The following TMEM163 variants were observed in gnomAD, a reference collection of about 807,000 sequenced individuals.
TMEM163 encodes transmembrane protein 163.
Under a neutral mutation model 29.3 loss-of-function variants are expected in TMEM163, and 17 were observed. The observed-to-expected ratio is 0.58, with a 90% CI of 0.40 to 0.87. The LOEUF is 0.87. Ranked by LOEUF, TMEM163 falls within the 40% of genes least tolerant of loss-of-function variation. The probability of loss-of-function intolerance (pLI) is 0.00; values close to 1 mark genes in which losing one functional copy is unlikely to be tolerated. For missense variants in TMEM163, 303 were observed against 381.5 expected, an observed-to-expected ratio of 0.79 and a Z score of 1.71; for synonymous variants, 157 against 160.6, an observed-to-expected ratio of 0.98 and a Z score of 0.17.
At chr2:134,494,451 C>A (rs796887362) in intron 5 of TMEM163, among the ~76,000 whole-genome samples, 3 of 152,266 alleles carry the variant, frequency 2.0e-5, no homozygotes, top group African/African-American at 7.2e-5. Flanking sequence ...CTATTGCTGA[C>A]GGCGGATCTC....
intron 4 of TMEM163, 70 bp from the exon 5 acceptor site, chr2:134,503,067 C>A: frequency 7.0e-7 from 1 of 1,424,052 alleles, no homozygotes. Context: ...ACACAATTGA[C>A]AGTGACAAAG....
intron 2 of TMEM163, among the ~76,000 whole-genome samples, chr2:134,611,482 G>C (rs1682502560): frequency 1.3e-5 from 2 of 152,142 alleles, no homozygotes; most frequent in South Asian, 4.1e-4. Flanking sequence ...ATTTAACTAG[G>C]GGACAGGGAT....
rs544475925 is a variant in TMEM163 at position 134,597,023 on chromosome 2, C to T, written c.323-44932G>A. ...TTAAGGAGATTTTGGGCTGAGACGACGGGGTTTTCTAGATATACAATCATG... is the reference window on the plus strand; with the variant it reads ...TTAAGGAGATTTTGGGCTGAGACGATGGGGTTTTCTAGATATACAATCATG... On this transcript the variant is annotated intron_variant, in intron 2 of 7. Coordinates refer to ENST00000281924, the MANE Select transcript of TMEM163 (RefSeq NM_030923.5). Among the ~76,000 whole-genome samples the T allele has an allele frequency of 1.3e-3, 204 of 152,128 alleles. 1 individual carries two copies. The highest frequency in any genetic ancestry group is 3.2e-3 in the African/African-American group (134 of 41,472).
At chr2:134,665,895 C>T (rs941142131) in intron 2 of TMEM163, among the ~76,000 whole-genome samples, 1 of 152,190 alleles carries the variant, frequency 6.6e-6, no homozygotes, top group Non-Finnish European at 1.5e-5. Context: ...TCTCACCAAA[C>T]GTCTGCAGCT....
chr2:134,465,189 T>TTAAAAAAAAAAA (rs1553471745), intron 6 of TMEM163, among the ~76,000 whole-genome samples: 2 of 117,734 alleles, frequency 1.7e-5, no homozygotes, highest in African/African-American at 7.5e-5. Context: ...TCCGCATCTT[T>TTAAAAAAAAAAA]AAAAAAAAAA....
chr2:134,531,040 T>C (rs1253724701), intron 4 of TMEM163, among the ~76,000 whole-genome samples: 3 of 152,182 alleles, frequency 2.0e-5, no homozygotes, highest in Non-Finnish European at 4.4e-5. Flanking sequence ...CAATCTGGTT[T>C]TGATGCAGAG....
intron 7 of TMEM163, among the ~76,000 whole-genome samples, chr2:134,457,166 C>A (rs1446191520): frequency 6.6e-6 from 1 of 152,102 alleles, no homozygotes; most frequent in East Asian, 1.9e-4. Context: ...CTGCACAGAT[C>A]TACCACATTT....
At chr2:134,509,682 C>T (rs16830733) in intron 4 of TMEM163, among the ~76,000 whole-genome samples, 29,636 of 152,188 alleles carry the variant, frequency 0.19, 3,190 homozygotes, top group Middle Eastern at 0.31. Context: ...CCAGAGAGCA[C>T]GAATCTAGGA....
chr2:134,646,334 C>T (rs1683337413), intron 2 of TMEM163, among the ~76,000 whole-genome samples: 1 of 152,208 alleles, frequency 6.6e-6, no homozygotes, highest in South Asian at 2.1e-4. Flanking sequence ...ATCCACCCGC[C>T]TCAGCCTCCC....
intron 2 of TMEM163, among the ~76,000 whole-genome samples, chr2:134,636,326 T>C (rs191035537): frequency 6.6e-4 from 100 of 152,362 alleles, no homozygotes; most frequent in Middle Eastern, 3.4e-3. Flanking sequence ...CCACAAGAAT[T>C]ACTTGCAAGG....
chr2:134,603,794 T>A (rs1558961119), intron 2 of TMEM163, among the ~76,000 whole-genome samples: 1 of 139,848 alleles, frequency 7.2e-6, no homozygotes, highest in Non-Finnish European at 1.5e-5. Flanking sequence ...TGGCACTGTT[T>A]TGCCCACATC....
At chr2:134,584,279 A>G (rs559739698) in intron 2 of TMEM163, among the ~76,000 whole-genome samples, 2 of 152,346 alleles carry the variant, frequency 1.3e-5, no homozygotes, top group African/African-American at 2.4e-5. Flanking sequence ...GAACATAAAC[A>G]GATCACGCTG....
intron 2 of TMEM163, among the ~76,000 whole-genome samples, chr2:134,568,346 G>A (rs1267092500): frequency 3.3e-5 from 5 of 152,224 alleles, no homozygotes; most frequent in African/African-American, 9.6e-5. Context: ...CCAACATGGT[G>A]AAACCCTGTC....
At chr2:134,701,069 T>C (rs941384132) in intron 2 of TMEM163, among the ~76,000 whole-genome samples, 1 of 151,664 alleles carries the variant, frequency 6.6e-6, no homozygotes, top group Non-Finnish European at 1.5e-5. Flanking sequence ...TAACCAGCAG[T>C]TGGAAGCACA....
In TMEM163 at chr2:134,465,198, A is replaced by AAAACAAAAAC. The variant is rs1553471769; in HGVS notation, c.667+915_667+916insGTTTTTGTTT. On this transcript the variant is annotated intron_variant, in intron 6 of 7. Coordinates refer to ENST00000281924, the MANE Select transcript of TMEM163 (RefSeq NM_030923.5). Reference sequence around the variant, plus strand: ...GGTGAGTCCGCATCTTTAAAAAAAAAAAAAACAAAAACAAAACAAAAATAT... The same window carrying AAAACAAAAAC: ...GGTGAGTCCGCATCTTTAAAAAAAAAAAACAAAAACAAAAACAAAAACAAAACAAAAATAT... Among the ~76,000 whole-genome samples, 164 of 144,400 alleles carry AAAACAAAAAC rather than the reference A, an allele frequency of 1.1e-3. 1 individual carries two copies. In the East Asian group the frequency reaches 0.027, roughly 24 times the overall value. 94.7% of individuals were successfully genotyped at this position (144,400 alleles called of 152,430 possible). A position where few individuals can be genotyped will look rare whatever the true frequency, so the allele number is the denominator to read the frequency against.
rs1185384028 is a variant in TMEM163, at chr2:134,654,052, G to C, written c.322+59148C>G. Among the ~76,000 whole-genome samples, 6 of 83,612 alleles carry C rather than the reference G, an allele frequency of 7.2e-5. 2 individuals carry two copies. The highest frequency in any genetic ancestry group is 1.2e-4 in the African/African-American group (2 of 17,262). 54.9% of individuals were successfully genotyped at this position (83,612 alleles called of 152,430 possible). ...ATTTGGGGTGGAGAGTTCTGTAGTTGTCTATTAGGCCCACTTGGTGCAGAG... is the reference window on the plus strand; with the variant it reads ...ATTTGGGGTGGAGAGTTCTGTAGTTCTCTATTAGGCCCACTTGGTGCAGAG... On this transcript the variant is annotated intron_variant, in intron 2 of 7. Coordinates refer to ENST00000281924, the MANE Select transcript of TMEM163 (RefSeq NM_030923.5).
intron 4 of TMEM163, among the ~76,000 whole-genome samples, chr2:134,506,009 A>G (rs1679816267): frequency 6.6e-6 from 1 of 152,064 alleles, no homozygotes; most frequent in Non-Finnish European, 1.5e-5. Flanking sequence ...TCAACCATTT[A>G]CCACTGGGGA....
In TMEM163 at chr2:134,643,664, T is replaced by TA. The variant is rs142265576; in HGVS notation, c.322+69535dup. Among the ~76,000 whole-genome samples, 258 of 148,020 alleles carry TA rather than the reference T, an allele frequency of 1.7e-3. 2 individuals are homozygous for TA. Among genetic ancestry groups the TA allele is most frequent in the East Asian group, 8.0e-3 (40 of 4,994 alleles). On this transcript the variant is annotated intron_variant, in intron 2 of 7. Transcript: ENST00000281924. ...GTCAAAATTCAGTATTCATTCATGT[T>TA]AAAAAAAAAACAACTCTTAGGAAAC...
intron 1 of TMEM163, among the ~76,000 whole-genome samples, chr2:134,715,213 A>T (rs1685013136): frequency 2.0e-5 from 3 of 152,218 alleles, no homozygotes; most frequent in Admixed American, 2.0e-4. Context: ...TCAGCCGCAT[A>T]ACATTTATTT....
Sources: allele counts gnomAD v4.1 joint callset (sites outside exome capture counted in the v4.1 genomes callset), GRCh38; gene constraint gnomAD v4.1.1; transcripts MANE v1.5; gene names NCBI Gene and HGNC (gene_info 2026-07-23, HGNC 2026-07-21).